Variants in MAMDC2 observed in about 807,000 individuals in gnomAD.
The protein encoded by MAMDC2 is MAM domain-containing protein 2.
MAMDC2 carries 57 observed loss-of-function variants against 89.8 expected under a neutral mutation model. That is an observed-to-expected ratio of 0.63 (90% CI 0.51 to 0.79). The LOEUF (loss-of-function observed/expected upper bound fraction) is 0.79, where lower values mean the gene tolerates loss of function less well. Ranked by LOEUF, MAMDC2 falls within the 30% of genes least tolerant of loss-of-function variation. The probability of loss-of-function intolerance (pLI) is 0.00; values close to 1 mark genes in which losing one functional copy is unlikely to be tolerated. For synonymous variants in MAMDC2, 313 were observed against 293.4 expected (o/e 1.07, Z -0.68); for missense variants, 800 against 820.6 (o/e 0.97, Z 0.31).
chr9:70,107,032 A>C (rs1828360251), intron 2 of MAMDC2, among the ~76,000 whole-genome samples: 1 of 152,090 alleles, frequency 6.6e-6, no homozygotes, highest in Non-Finnish European at 1.5e-5. Flanking sequence ...GGTTAGGGAG[A>C]CCGAAGTGCA....
chr9:70,056,352 ACT>A, intron 2 of MAMDC2, among the ~76,000 whole-genome samples: 1 of 152,206 alleles, frequency 6.6e-6, no homozygotes, highest in Non-Finnish European at 1.5e-5. Context: ...ATGGAAAGAA[ACT>A]CTGGTTTTCC....
intron 11 of MAMDC2, among the ~76,000 whole-genome samples, chr9:70,185,523 G>T (rs2032735333): frequency 6.6e-6 from 1 of 152,208 alleles, no homozygotes; most frequent in Admixed American, 6.5e-5. Context: ...CAGGGGCTCT[G>T]TCCCAGGGAG....
At chr9:70,090,788 G>A (rs1052485500) in intron 2 of MAMDC2, 1 of 152,088 alleles carries the variant, frequency 6.6e-6, no homozygotes, top group African/African-American at 2.4e-5. Context: ...TCCGTACTTA[G>A]TCCTAAATAC....
intron 5 of MAMDC2, among the ~76,000 whole-genome samples, chr9:70,119,503 A>C (rs1294548172): frequency 6.6e-6 from 1 of 152,116 alleles, no homozygotes; most frequent in Non-Finnish European, 1.5e-5. Flanking sequence ...CAGCTTTCTT[A>C]ATTTTCTTAC....
intron 6 of MAMDC2, among the ~76,000 whole-genome samples, chr9:70,127,639 G>A (rs571298522): frequency 9.3e-5 from 14 of 151,204 alleles, no homozygotes; most frequent in East Asian, 5.8e-4. Context: ...TACTGATGGC[G>A]TGCCTGCCTC....
intron 2 of MAMDC2, among the ~76,000 whole-genome samples, chr9:70,103,798 A>G (rs1249881576): frequency 6.6e-6 from 1 of 152,182 alleles, no homozygotes; most frequent in South Asian, 2.1e-4. Context: ...TCTGGGCAAC[A>G]TGGTGAAACC....
chr9:70,131,691 T>C, intron 7 of MAMDC2, 79 bp downstream of exon 7: 1 of 1,034,166 alleles, frequency 9.7e-7, no homozygotes, highest in Non-Finnish European at 1.5e-6. Flanking sequence ...TTGTTTTAAT[T>C]GCTTTTAATT....
intron 11 of MAMDC2, among the ~76,000 whole-genome samples, chr9:70,205,553 G>A (rs1317978747): frequency 6.6e-6 from 1 of 152,146 alleles, no homozygotes; most frequent in African/African-American, 2.4e-5. Context: ...GAGACTGGAG[G>A]AACAGCTGCT....
chr9:70,128,744 C>A (rs1188167161), intron 6 of MAMDC2, among the ~76,000 whole-genome samples: 1 of 152,134 alleles, frequency 6.6e-6, no homozygotes, highest in East Asian at 1.9e-4. Context: ...GCAACCTCTG[C>A]CTCCCAGGTT....
intron 9 of MAMDC2, among the ~76,000 whole-genome samples, chr9:70,156,062 C>G (rs898299670): frequency 6.6e-6 from 1 of 152,130 alleles, no homozygotes; most frequent in Non-Finnish European, 1.5e-5. Flanking sequence ...ACTTCTAGGT[C>G]TCTTCTACCT....
chr9:70,051,888 GAGATAGATAGAT>G (rs71364576), intron 2 of MAMDC2, among the ~76,000 whole-genome samples: 13 of 148,916 alleles, frequency 8.7e-5, no homozygotes, highest in South Asian at 6.5e-4. Context: ...TAGATAGATA[GAGATAGATAGAT>G]AGATAGATAG....
chr9:70,073,905 C>G (rs1186558541), intron 2 of MAMDC2, among the ~76,000 whole-genome samples: 1 of 152,206 alleles, frequency 6.6e-6, no homozygotes, highest in African/African-American at 2.4e-5. Context: ...AAAGAGAACT[C>G]TGTCTGCAGC....
chr9:70,072,926 G>C (rs891150677), intron 2 of MAMDC2, among the ~76,000 whole-genome samples: 1 of 152,026 alleles, frequency 6.6e-6, no homozygotes, highest in South Asian at 2.1e-4. Flanking sequence ...ACCTCCGCCT[G>C]CCAGGTTCAA....
intron 8 of MAMDC2, among the ~76,000 whole-genome samples, chr9:70,142,806 A>G (rs1034899121): frequency 6.6e-6 from 1 of 152,206 alleles, no homozygotes; most frequent in East Asian, 1.9e-4. Flanking sequence ...GAAAACTGAC[A>G]GGAGGAGGAG....
At chr9:70,162,231 T>G (rs575880578) in intron 9 of MAMDC2, among the ~76,000 whole-genome samples, 1 of 151,044 alleles carries the variant, frequency 6.6e-6, no homozygotes, top group South Asian at 2.1e-4. Flanking sequence ...ACAGCCAGTG[T>G]TTAGTTCTTT....
intron 2 of MAMDC2, among the ~76,000 whole-genome samples, chr9:70,055,295 T>A (rs966347720): frequency 1.3e-5 from 2 of 152,194 alleles, no homozygotes; most frequent in African/African-American, 4.8e-5. Context: ...TCTTTAACTT[T>A]CACAACAATC....
chr9:70,205,422 A>G (rs2033204684), intron 11 of MAMDC2, among the ~76,000 whole-genome samples: 2 of 152,214 alleles, frequency 1.3e-5, no homozygotes, highest in East Asian at 1.9e-4. Context: ...AAATATTGGT[A>G]TCTTTTTCCC....
rs1564004130 is a variant in MAMDC2 at position 70,218,346 on chromosome 9, T to C, written c.1661T>C (p.Met554Thr). The C allele has an allele frequency of 6.2e-7, 1 of 1,612,982 alleles. No homozygotes were observed. Among genetic ancestry groups the C allele is most frequent in the South Asian group, 1.1e-5 (1 of 90,916 alleles). Residue 554 changes from methionine to threonine, a missense_variant, in exon 12 of 14, where the codon ATG (methionine) becomes ACG (threonine). By Grantham distance (81) the Met-to-Thr change is moderately conservative. Transcript: ENST00000377182. ...GDHTTGVGYY[M>T]YIEASHMVYG... The stretch of plus-strand genomic sequence containing the variant: ...TTGCATTCACCTCAAGGCTACTACA[T>C]GTACATTGAGGCCTCCCATATGGTG...
chr9:70,097,952 C>G (rs539091055), intron 2 of MAMDC2, among the ~76,000 whole-genome samples: 5 of 152,138 alleles, frequency 3.3e-5, no homozygotes, highest in Non-Finnish European at 7.3e-5. Context: ...AAAAAACATG[C>G]ACTGAAAAGA....
Sources: gnomAD v4.1 joint callset for allele counts (sites outside exome capture counted in the v4.1 genomes callset) on GRCh38, gnomAD v4.1.1 for gene constraint, MANE v1.5 for transcripts, NCBI Gene and HGNC (gene_info 2026-07-23, HGNC 2026-07-21) for gene names.